Variants in SYNPR observed in about 807,000 individuals in gnomAD.
SYNPR encodes synaptoporin.
In SYNPR, 23 loss-of-function variants were observed where a neutral mutation model predicts 32.9. The ratio of observed to expected loss-of-function variants is 0.70; its 90% CI spans 0.50 to 0.99. The LOEUF (loss-of-function observed/expected upper bound fraction) is 0.99, where lower values mean the gene tolerates loss of function less well. Ranked by LOEUF, SYNPR falls within the 50% of genes least tolerant of loss-of-function variation. The pLI is 0.00. For missense variants in SYNPR, 318 were observed against 349.3 expected, an observed-to-expected ratio of 0.91 and a Z score of 0.71; for synonymous variants, 146 against 135.9, an observed-to-expected ratio of 1.07 and a Z score of -0.52.
At chr3:63,483,576 A>G (rs968888952) in intron 3 of SYNPR, among the ~76,000 whole-genome samples, 3 of 152,166 alleles carry the variant, frequency 2.0e-5, no homozygotes, top group African/African-American at 7.2e-5. Context: ...TATTATTTGA[A>G]TTTATTAAAA....
intron 2 of SYNPR, among the ~76,000 whole-genome samples, chr3:63,303,158 T>C (rs1481413596): frequency 6.6e-6 from 1 of 151,906 alleles, no homozygotes; most frequent in Non-Finnish European, 1.5e-5. Flanking sequence ...GGAAATATTC[T>C]ACCTGGTAAT....
chr3:63,482,610 T>C (rs1165489452), intron 3 of SYNPR, among the ~76,000 whole-genome samples: 1 of 152,190 alleles, frequency 6.6e-6, no homozygotes, highest in Admixed American at 6.5e-5. Context: ...CAAGAAATCG[T>C]TTGCCACTTT....
At chr3:63,286,224 C>G (rs2086679257) in intron 2 of SYNPR, among the ~76,000 whole-genome samples, 1 of 152,134 alleles carries the variant, frequency 6.6e-6, no homozygotes, top group Admixed American at 6.6e-5. Flanking sequence ...TCCAGCAAGG[C>G]CAGTATTGAA....
chr3:63,427,868 A>G (rs1437151742), intron 2 of SYNPR, among the ~76,000 whole-genome samples: 3 of 152,354 alleles, frequency 2.0e-5, no homozygotes, highest in African/African-American at 7.2e-5. Context: ...AATAACCACC[A>G]GAGTGATGAT....
intron 2 of SYNPR, among the ~76,000 whole-genome samples, chr3:63,302,337 T>G (rs1338965835): frequency 6.6e-6 from 1 of 152,026 alleles, no homozygotes; most frequent in Non-Finnish European, 1.5e-5. Context: ...CTAAACACTT[T>G]AGAGTTTTCC....
At chr3:63,240,399 T>C (rs1268120265) in intron 1 of SYNPR, among the ~76,000 whole-genome samples, 3 of 151,948 alleles carry the variant, frequency 2.0e-5, no homozygotes, top group East Asian at 3.9e-4. Context: ...ATCTGGAAAA[T>C]GTTACAGCAT....
chr3:63,256,678 G>A (rs1036735385), intron 2 of SYNPR, among the ~76,000 whole-genome samples: 1 of 152,150 alleles, frequency 6.6e-6, no homozygotes, highest in African/African-American at 2.4e-5. Flanking sequence ...TTCTCCAAAG[G>A]AACGCAGCTC....
chr3:63,256,332 C>A (rs1183050001), intron 2 of SYNPR, among the ~76,000 whole-genome samples: 2 of 152,192 alleles, frequency 1.3e-5, no homozygotes, highest in Admixed American at 6.5e-5. Flanking sequence ...TAGGGGCAGA[C>A]TGACACCTCA....
chr3:63,508,635 C>T (rs1249415745), intron 3 of SYNPR, among the ~76,000 whole-genome samples: 1 of 152,106 alleles, frequency 6.6e-6, no homozygotes, highest in East Asian at 1.9e-4. Flanking sequence ...AGACGAATCC[C>T]AGGAAAGTAA....
intron 2 of SYNPR, among the ~76,000 whole-genome samples, chr3:63,265,544 G>A (rs563190725): frequency 2.6e-5 from 4 of 152,012 alleles, no homozygotes; most frequent in Non-Finnish European, 4.4e-5. Context: ...GAGCCACTGC[G>A]CCCAGTCAAT....
chr3:63,270,751 A>T (rs966941122), intron 3 of SYNPR, among the ~76,000 whole-genome samples: 1 of 152,206 alleles, frequency 6.6e-6, no homozygotes, highest in Non-Finnish European at 1.5e-5. Context: ...TGTTATAAGG[A>T]GCTTATCACA....
intron 2 of SYNPR, among the ~76,000 whole-genome samples, chr3:63,284,262 T>C (rs1290251459): frequency 1.3e-5 from 2 of 152,310 alleles, no homozygotes; most frequent in East Asian, 3.9e-4. Context: ...AAATGAAAAG[T>C]GGAGGACTCC....
intron 2 of SYNPR, among the ~76,000 whole-genome samples, chr3:63,448,600 G>A (rs1356586305): frequency 5.3e-5 from 8 of 152,162 alleles, no homozygotes; most frequent in African/African-American, 1.4e-4. Context: ...AAATTGAATG[G>A]CAGAGGAAAA....
At chr3:63,372,669 G>A (rs1366140519) in intron 2 of SYNPR, among the ~76,000 whole-genome samples, 2 of 152,188 alleles carry the variant, frequency 1.3e-5, no homozygotes, top group African/African-American at 4.8e-5. Context: ...AGAGCCCCAT[G>A]AGATAGGTGA....
At chr3:63,277,775 A>G (rs1449231455), upstream of SYNPR, among the ~76,000 whole-genome samples, 1 of 151,636 alleles carries the variant, frequency 6.6e-6, no homozygotes, top group Admixed American at 6.6e-5. Context: ...GCTCTGCGCC[A>G]CTGTCCAGAC....
chr3:63,518,291 C>T (rs568628547), intron 3 of SYNPR, among the ~76,000 whole-genome samples: 37 of 152,220 alleles, frequency 2.4e-4, no homozygotes, highest in African/African-American at 8.7e-4. Context: ...CTGTAATACT[C>T]TCTAAAGACT....
chr3:63,374,855 G>A (rs549137698), intron 2 of SYNPR, among the ~76,000 whole-genome samples: 173 of 152,216 alleles, frequency 1.1e-3, no homozygotes, highest in Non-Finnish European at 2.2e-3. Context: ...CTTCCCCATT[G>A]CTTGTTTTTG....
chr3:63,570,958 A>G (rs891219605), intron 4 of SYNPR, among the ~76,000 whole-genome samples: 1 of 152,232 alleles, frequency 6.6e-6, no homozygotes, highest in Admixed American at 6.5e-5. Flanking sequence ...AGGGAAACAT[A>G]GAAACATATA....
At chr3:63,522,247 T>A (rs1049831479) in intron 3 of SYNPR, among the ~76,000 whole-genome samples, 2 of 152,228 alleles carry the variant, frequency 1.3e-5, no homozygotes, top group African/African-American at 4.8e-5. Flanking sequence ...CCATCCTCTA[T>A]CGTTCCAGTT....
Sources: gnomAD v4.1 joint callset for allele counts (sites outside exome capture counted in the v4.1 genomes callset) on GRCh38, gnomAD v4.1.1 for gene constraint, MANE v1.5 for transcripts, NCBI Gene and HGNC (gene_info 2026-07-23, HGNC 2026-07-21) for gene names.